The following TENT4B variants were observed in gnomAD, a reference collection of about 807,000 sequenced individuals.
TENT4B encodes the protein terminal nucleotidyltransferase 4B.
In TENT4B, 10 loss-of-function variants were observed where a neutral mutation model predicts 75.0. That is an observed-to-expected ratio of 0.13 (90% CI 0.08 to 0.23). The LOEUF is 0.23. Among genes scored for constraint, TENT4B ranks in the 10% least tolerant of loss-of-function variants. The pLI is 1.00. For missense variants in TENT4B, 579 were observed against 893.8 expected (o/e 0.65, Z 4.49); for synonymous variants, 350 against 357.7 (o/e 0.98, Z 0.24).
intron 7 of TENT4B, 125 bp from the exon 8 acceptor site, chr16:50,224,532 C>T: frequency 8.3e-7 from 1 of 1,211,188 alleles, no homozygotes. Flanking sequence ...CAGCTCACAG[C>T]TCAGCTTCCA....
chr16:50,214,149 A>T, intron 2 of TENT4B, 72 bp from the exon 3 acceptor site: 1 of 1,206,970 alleles, frequency 8.3e-7, no homozygotes, highest in Non-Finnish European at 1.2e-6. Context: ...ACATTTCTCC[A>T]TATCTTGGTG....
chr16:50,216,263 A>C, intron 4 of TENT4B, 68 bp downstream of exon 4: 1 of 1,565,200 alleles, frequency 6.4e-7, no homozygotes, highest in Middle Eastern at 1.7e-4. Context: ...TTAAAATTAA[A>C]GTTTGGTGAG....
In TENT4B at chr16:50,153,782, GC is replaced by G; in HGVS notation, c.162del (p.Ser54ArgfsTer53). 1 of 1,176,226 alleles carries G rather than the reference GC, an allele frequency of 8.5e-7. No individual in the cohort carries two copies. The highest frequency in any genetic ancestry group is 1.0e-6 in the Non-Finnish European group (1 of 953,048). The allele number at this position is 1,176,226 out of a possible 1,614,324, so 72.9% of individuals were successfully genotyped here. Reference sequence around the variant, plus strand: ...AGCGGCGGCGGCGGCAGCAGCAGCAGCAGCAGCACGGCCACCGGCGGGAGCG... The same window carrying G: ...AGCGGCGGCGGCGGCAGCAGCAGCAGAGCAGCACGGCCACCGGCGGGAGCG... ...GASGGGGSSS[S>X]SSTATGGSGS... On this transcript the variant is annotated frameshift_variant, in exon 1 of 12. Coordinates refer to ENST00000561678, the MANE Select transcript of TENT4B (RefSeq NM_001365324.3). LOFTEE classifies it high-confidence loss of function.
At chr16:50,200,870 C>T (rs912384916) in intron 1 of TENT4B, among the ~76,000 whole-genome samples, 2 of 152,014 alleles carry the variant, frequency 1.3e-5, no homozygotes, top group Non-Finnish European at 2.9e-5. Flanking sequence ...ACATGGCTCA[C>T]TGCAGCCTCA....
intron 2 of TENT4B, among the ~76,000 whole-genome samples, chr16:50,213,551 C>A (rs1385946733): frequency 6.6e-6 from 1 of 152,076 alleles, no homozygotes; most frequent in Non-Finnish European, 1.5e-5. Context: ...GTAATCTATT[C>A]GAAGACTCCT....
chr16:50,186,254 A>G (rs2038524553), intron 1 of TENT4B, among the ~76,000 whole-genome samples: 1 of 151,668 alleles, frequency 6.6e-6, no homozygotes, highest in South Asian at 2.1e-4. Context: ...TCTACTTTCT[A>G]TCTCTATCAA....
At position 50,231,000 on chromosome 16, in the gene TENT4B, A is replaced by G. The variant is rs907742481; in HGVS notation, c.*1672A>G. On this transcript the variant is annotated 3_prime_UTR_variant, in exon 12 of 12. Coordinates refer to ENST00000561678, the MANE Select transcript of TENT4B (RefSeq NM_001365324.3). ...TGAAATACTGAAGACCAATCAGACCATTAATGGACACTTAGTGTAACTTTT... is the reference window on the plus strand; with the variant it reads ...TGAAATACTGAAGACCAATCAGACCGTTAATGGACACTTAGTGTAACTTTT... The G allele has an allele frequency of 5.1e-6, 5 of 983,320 alleles. No individual in the cohort carries two copies. Among genetic ancestry groups the G allele is most frequent in the East Asian group, 2.3e-4 (2 of 8,822 alleles). The allele number at this position is 983,320 out of a possible 1,614,324, so 60.9% of individuals were successfully genotyped here. A position where few individuals can be genotyped will look rare whatever the true frequency, so the allele number is the denominator to read the frequency against.
Position 50,231,250 on chromosome 16 carries a change from TG to T in TENT4B, c.*1923del. The T allele has an allele frequency of 4.1e-6, 4 of 985,484 alleles. No individual in the cohort carries two copies. The highest frequency in any genetic ancestry group is 4.8e-6 in the Non-Finnish European group (4 of 829,572). The allele number at this position is 985,484 out of a possible 1,614,324, so 61.0% of individuals were successfully genotyped here. A position where few individuals can be genotyped will look rare whatever the true frequency, so the allele number is the denominator to read the frequency against. On this transcript the variant is annotated 3_prime_UTR_variant, in exon 12 of 12. Transcript: ENST00000561678. ...CTGATCAGAATTTTTATTGAGATGT[TG>T]AGCTTTTGTTTTTGAAACTAGTTTG...
At position 50,226,298 on chromosome 16, in the gene TENT4B, G is replaced by A. The variant is rs796936963; in HGVS notation, c.1800+1013G>A. 2.9e-4 allele frequency among the ~76,000 whole-genome samples: 44 copies of A among 152,282 alleles called. 1 individual carries two copies. The highest frequency in any genetic ancestry group is 1.1e-3 in the African/African-American group (44 of 41,564). On this transcript the variant is annotated intron_variant, in intron 10 of 11. Transcript: ENST00000561678. ...TTACAGGCGTGAGCCCAGCTGTTAT[G>A]ACTTTTTAACACCATAGTTAGTTTT...
intron 1 of TENT4B, among the ~76,000 whole-genome samples, chr16:50,197,634 C>T (rs1338589071): frequency 2.0e-5 from 3 of 152,074 alleles, no homozygotes; most frequent in Admixed American, 6.5e-5. Flanking sequence ...GGCAGCCTCC[C>T]GAGCCAGAGT....
Position 50,232,301 on chromosome 16 carries a change from A to G in TENT4B, c.*2973A>G. 5.1e-6 allele frequency: 5 copies of G among 985,384 alleles called. No homozygotes were observed. The highest frequency in any genetic ancestry group is 6.0e-6 in the Non-Finnish European group (5 of 829,910). 61.0% of individuals were successfully genotyped at this position (985,384 alleles called of 1,614,324 possible). A position where few individuals can be genotyped will look rare whatever the true frequency, so the allele number is the denominator to read the frequency against. On this transcript the variant is annotated 3_prime_UTR_variant, in exon 12 of 12. Transcript: ENST00000561678. ...ATCTGTAGGACCTATGTTTTTTACA[A>G]GTAATTGCCCTCCAGTCTTCAACAG...
At chr16:50,226,966 T>C (rs2032085514) in intron 10 of TENT4B, among the ~76,000 whole-genome samples, 1 of 152,176 alleles carries the variant, frequency 6.6e-6, no homozygotes, top group African/African-American at 2.4e-5. Flanking sequence ...TGTTCCCCCA[T>C]CCTGATAGAA....
chr16:50,198,308 A>T (rs535665927), intron 1 of TENT4B, among the ~76,000 whole-genome samples: 18 of 151,804 alleles, frequency 1.2e-4, no homozygotes, highest in African/African-American at 4.3e-4. Flanking sequence ...AGTCCCAGCT[A>T]CTTTGGAGGC....
intron 1 of TENT4B, among the ~76,000 whole-genome samples, chr16:50,197,713 A>G (rs1053233307): frequency 1.3e-5 from 2 of 152,220 alleles, no homozygotes; most frequent in Non-Finnish European, 2.9e-5. Context: ...AAAGTGATGT[A>G]CCGAAAACGG....
At position 50,229,241 on chromosome 16, in the gene TENT4B, A is replaced by G; in HGVS notation, c.2055A>G (p.Gln685=). The part of the protein sequence containing the change: ...TSHGSLMTNK[Q]HQGKSNNQYY... ...ATGGTTCCTTGATGACAAACAAACA[A>G]CATCAAGGCAAATCCAATAATCAGT... is the stretch of plus-strand genomic sequence containing the variant. The change falls in exon 12 of 12, where the codon CAA becomes CAG. Residue 685 remains glutamine (Q), a synonymous_variant. Coordinates refer to ENST00000561678, the MANE Select transcript of TENT4B (RefSeq NM_001365324.3). 1 of 1,614,052 alleles carries G rather than the reference A, an allele frequency of 6.2e-7. No individual in the cohort carries two copies. The highest frequency in any genetic ancestry group is 8.5e-7 in the Non-Finnish European group (1 of 1,179,910).
upstream of TENT4B, among the ~76,000 whole-genome samples, chr16:50,153,183 T>TGGGGGGGGGGGG (rs760198722): frequency 4.7e-5 from 1 of 21,120 alleles, no homozygotes; most frequent in Non-Finnish European, 9.5e-5. Flanking sequence ...GGCGGGGCGG[T>TGGGGGGGGGGGG]GGGGGGGGGG....
chr16:50,187,246 T>G (rs1196565424), intron 1 of TENT4B, among the ~76,000 whole-genome samples: 1 of 152,226 alleles, frequency 6.6e-6, no homozygotes, highest in Non-Finnish European at 1.5e-5. Context: ...TAAGTTTAGG[T>G]CTTTGATCCA....
At chr16:50,172,695 C>T (rs1255521723) in intron 1 of TENT4B, among the ~76,000 whole-genome samples, 2 of 152,020 alleles carry the variant, frequency 1.3e-5, no homozygotes, top group Non-Finnish European at 2.9e-5. Flanking sequence ...TTAGAGTTCA[C>T]TCTTGGTGTT....
At chr16:50,164,956 A>G (rs187598378) in intron 1 of TENT4B, among the ~76,000 whole-genome samples, 161 of 151,944 alleles carry the variant, frequency 1.1e-3, no homozygotes, top group Non-Finnish European at 1.5e-3. Flanking sequence ...TGGGAGGCTT[A>G]GCTGGGAGGA....
Sources: gnomAD v4.1 joint callset for allele counts (sites outside exome capture counted in the v4.1 genomes callset) on GRCh38, gnomAD v4.1.1 for gene constraint, MANE v1.5 for transcripts, NCBI Gene and HGNC (gene_info 2026-07-23, HGNC 2026-07-21) for gene names.